CPXM2: variants seen among roughly 807,000 people sequenced by gnomAD.
The protein encoded by CPXM2 is inactive carboxypeptidase-like protein X2.
In CPXM2, 66 loss-of-function variants were observed where a neutral mutation model predicts 86.1. The ratio of observed to expected loss-of-function variants is 0.77; its 90% CI spans 0.63 to 0.94. The LOEUF (loss-of-function observed/expected upper bound fraction) is 0.94. Among genes scored for constraint, CPXM2 ranks in the 40% least tolerant of loss-of-function variants. The pLI is 0.00. For synonymous variants in CPXM2, 388 were observed against 400.2 expected (o/e 0.97, Z 0.36); for missense variants, 948 against 1,026.3 (o/e 0.92, Z 1.04).
At chr10:123,747,781 G>T (rs930790457) in intron 13 of CPXM2, among the ~76,000 whole-genome samples, 11 of 152,074 alleles carry the variant, frequency 7.2e-5, no homozygotes, top group East Asian at 1.9e-4. Context: ...GGGAGGCTGG[G>T]TGTGGTGGTG....
In CPXM2 at chr10:123,862,640, C is replaced by G; in HGVS notation, c.487G>C (p.Ala163Pro). The G allele has an allele frequency of 1.9e-6, 3 of 1,614,060 alleles. No homozygotes were observed. Among genetic ancestry groups the G allele is most frequent in the Non-Finnish European group, 2.5e-6 (3 of 1,179,958 alleles). Reference sequence around the variant, plus strand: ...TGGATGTTGAGTCTCCCTCGATGTGCCCCCAGGCCATAGCGCTTCACCGTG... The same window carrying G: ...TGGATGTTGAGTCTCCCTCGATGTGGCCCCAGGCCATAGCGCTTCACCGTG... ...ASTVKRYGLG[A>P]HRGRLNIQAG... The change falls in exon 3 of 14, where the codon GCA becomes CCA. Residue 163 changes from alanine (A) to proline (P), a missense_variant. By Grantham distance (27) the Ala-to-Pro change is conservative. Transcript: ENST00000241305.
intron 2 of CPXM2, among the ~76,000 whole-genome samples, chr10:123,908,441 A>C (rs1945462270): frequency 6.6e-6 from 1 of 152,188 alleles, no homozygotes; most frequent in Non-Finnish European, 1.5e-5. Flanking sequence ...ACTCAATCAG[A>C]AAATACTGGC....
At chr10:123,776,770 C>T (rs1846800902) in intron 7 of CPXM2, 1 of 152,198 alleles carries the variant, frequency 6.6e-6, no homozygotes, top group South Asian at 2.1e-4. Context: ...GAAGTTCAAA[C>T]ACCGGATGGA....
intron 7 of CPXM2, chr10:123,777,322 A>T (rs1846816303): frequency 6.6e-6 from 1 of 152,294 alleles, no homozygotes; most frequent in Non-Finnish European, 1.5e-5. Flanking sequence ...ACCTGACAAC[A>T]CTGTGCCCAA....
intron 3 of CPXM2, among the ~76,000 whole-genome samples, chr10:123,856,838 C>T (rs527515574): frequency 2.6e-5 from 4 of 152,284 alleles, no homozygotes; most frequent in South Asian, 4.1e-4. Flanking sequence ...GTGATCCACC[C>T]GCCTCGGCCT....
chr10:123,890,493 C>T (rs955012942), intron 1 of CPXM2, among the ~76,000 whole-genome samples: 1 of 152,220 alleles, frequency 6.6e-6, no homozygotes, highest in South Asian at 2.1e-4. Flanking sequence ...CACGTATCTC[C>T]TTTCAGGAAA....
At chr10:123,842,629 C>T (rs1848411276) in intron 3 of CPXM2, 141 bp from the exon 4 acceptor site, 1 of 763,682 alleles carries the variant, frequency 1.3e-6, no homozygotes, top group Non-Finnish European at 2.1e-6. Flanking sequence ...AATAATTGTG[C>T]CCTGAACTCC....
At position 123,765,585 on chromosome 10, in the gene CPXM2, C is replaced by CA. The variant is rs570342413; in HGVS notation, c.1479+1387dup. 1.1e-4 allele frequency among the ~76,000 whole-genome samples: 17 copies of CA among 152,226 alleles called. No individual in the cohort carries two copies. The South Asian group carries it at 2.7e-3, about 24-fold the overall frequency. On this transcript the variant is annotated intron_variant, in intron 10 of 13. Transcript: ENST00000241305. ...TTAGGTGGAAAAACAAACAAATGAA[C>CA]AAAAAACAACTAAAACAGGTTCTGT... is the stretch of plus-strand genomic sequence containing the variant.
At chr10:123,801,342 G>A (rs1391574756) in intron 4 of CPXM2, among the ~76,000 whole-genome samples, 3 of 152,116 alleles carry the variant, frequency 2.0e-5, no homozygotes, top group African/African-American at 7.2e-5. Flanking sequence ...TGATTGTGAG[G>A]CCTCCCCAGC....
chr10:123,785,696 G>T (rs566997496), intron 6 of CPXM2, among the ~76,000 whole-genome samples: 1 of 150,264 alleles, frequency 6.7e-6, no homozygotes, highest in African/African-American at 2.5e-5. Context: ...ACAGAGGCGC[G>T]ATCTCGGCTC....
intron 2 of CPXM2, among the ~76,000 whole-genome samples, chr10:123,905,464 C>T (rs1018672450): frequency 1.3e-4 from 20 of 152,128 alleles, no homozygotes; most frequent in African/African-American, 2.9e-4. Context: ...TCTGCCAATC[C>T]GGGCATTGGA....
chr10:123,760,988 A>T (rs1382495841), intron 11 of CPXM2, among the ~76,000 whole-genome samples: 1 of 152,214 alleles, frequency 6.6e-6, no homozygotes, highest in Non-Finnish European at 1.5e-5. Flanking sequence ...AGCAAGAAGC[A>T]TTATGCCTGG....
chr10:123,918,733 C>G (rs1945555458), intron 2 of CPXM2, among the ~76,000 whole-genome samples: 1 of 152,152 alleles, frequency 6.6e-6, no homozygotes, highest in African/African-American at 2.4e-5. Flanking sequence ...CTGTGATCCC[C>G]TTCAGCAGCA....
intron 1 of CPXM2, among the ~76,000 whole-genome samples, chr10:123,881,991 GA>G (rs1945100703): frequency 6.6e-6 from 1 of 152,240 alleles, no homozygotes; most frequent in Non-Finnish European, 1.5e-5. Context: ...TGTGGAGAAA[GA>G]AACTTAGCTT....
intron 6 of CPXM2, 111 bp downstream of exon 6, chr10:123,797,865 G>T: frequency 1.9e-6 from 2 of 1,075,662 alleles, no homozygotes; most frequent in Non-Finnish European, 2.4e-6. Context: ...TGGGATTACA[G>T]GCATGAGCTA....
At chr10:123,789,618 C>A (rs1847156928) in intron 6 of CPXM2, among the ~76,000 whole-genome samples, 1 of 152,172 alleles carries the variant, frequency 6.6e-6, no homozygotes, top group African/African-American at 2.4e-5. Flanking sequence ...AAAAGAAGAA[C>A]CAGCACTCAA....
chr10:123,792,716 C>G (rs1847233057), intron 6 of CPXM2, among the ~76,000 whole-genome samples: 1 of 152,220 alleles, frequency 6.6e-6, no homozygotes, highest in African/African-American at 2.4e-5. Context: ...AAGAGAAACG[C>G]TGATTGCCCA....
chr10:123,820,883 T>C (rs975038023), intron 4 of CPXM2, among the ~76,000 whole-genome samples: 1 of 152,218 alleles, frequency 6.6e-6, no homozygotes, highest in Non-Finnish European at 1.5e-5. Context: ...CAGGCTCTTC[T>C]CTCCATCAAG....
intron 2 of CPXM2, among the ~76,000 whole-genome samples, chr10:123,935,838 G>A (rs865844244): frequency 3.1e-4 from 28 of 89,178 alleles, no homozygotes; most frequent in African/African-American, 6.9e-4. Flanking sequence ...CATCACCAGC[G>A]TCTTGACCAT....
Sources: allele counts gnomAD v4.1 joint callset (sites outside exome capture counted in the v4.1 genomes callset), GRCh38; gene constraint gnomAD v4.1.1; transcripts MANE v1.5; gene names NCBI Gene and HGNC (gene_info 2026-07-23, HGNC 2026-07-21).